SFI1: variants seen among roughly 807,000 people sequenced by gnomAD.
The protein encoded by SFI1 is protein SFI1 homolog.
Under a neutral mutation model 207.5 loss-of-function variants are expected in SFI1, and 195 were observed. The ratio of observed to expected loss-of-function variants is 0.94; its 90% CI spans 0.84 to 1.06. SFI1 has a LOEUF of 1.06. Among genes scored for constraint, SFI1 ranks in the 50% least tolerant of loss-of-function variants. The probability of loss-of-function intolerance (pLI) is 0.00; values close to 1 mark genes in which losing one functional copy is unlikely to be tolerated. For synonymous variants in SFI1, 630 were observed against 598.9 expected, an observed-to-expected ratio of 1.05 and a Z score of -0.76; for missense variants, 1,634 against 1,588.0, an observed-to-expected ratio of 1.03 and a Z score of -0.49.
chr22:31,579,845 C>T (rs1259619475), intron 11 of SFI1, among the ~76,000 whole-genome samples: 2 of 152,188 alleles, frequency 1.3e-5, no homozygotes, highest in Non-Finnish European at 2.9e-5. Flanking sequence ...ATTTTAGCAG[C>T]ACTGCATTTA....
rs755037639 is a variant in SFI1, at chr22:31,573,102, GAA to G, written c.812_813del (p.Lys271ThrfsTer24). 1 of 1,613,870 alleles carries G rather than the reference GAA, an allele frequency of 6.2e-7. No homozygotes were observed. The highest frequency in any genetic ancestry group is 8.5e-7 in the Non-Finnish European group (1 of 1,180,006). On this transcript the variant is annotated frameshift_variant, in exon 9 of 33. Transcript: ENST00000400288. LOFTEE classifies it high-confidence loss of function. ...AACAGCTCCTGTATGTCCAGAAGGA[GAA>G]ACAAAAGGTTGTCTCTGCAGTGAAA... Reference protein sequence around the residue: ...REQLLYVQKEKQKVVSAVKHH... With the variant: ...REQLLYVQKEXQKVVSAVKHH...
chr22:31,603,366 G>A lies in SFI1; in HGVS notation c.1806-378G>A, dbSNP rs940547874. Among the ~76,000 whole-genome samples, 5 of 152,170 alleles carry A rather than the reference G, an allele frequency of 3.3e-5. No individual in the cohort carries two copies. The South Asian group carries it at 6.2e-4, about 19-fold the overall frequency. On this transcript the variant is annotated intron_variant, in intron 17 of 32. Transcript: ENST00000400288. ...TTGTGGCAGTTTTTAACCACACCAC[G>A]TAGTTAAGAGAGAGGAGGGGAGGCA...
At chr22:31,601,913 C>A (rs2068162231) in intron 15 of SFI1, among the ~76,000 whole-genome samples, 1 of 151,496 alleles carries the variant, frequency 6.6e-6, no homozygotes, top group East Asian at 1.9e-4. Flanking sequence ...CCACCTCAGC[C>A]TCCCAGGTAG....
chr22:31,603,182 G>A (rs1403194436), intron 17 of SFI1, among the ~76,000 whole-genome samples: 2 of 152,194 alleles, frequency 1.3e-5, no homozygotes, highest in Non-Finnish European at 2.9e-5. Context: ...GCAGTGAACC[G>A]AGATGGCACC....
intron 22 of SFI1, 28 bp from the exon 23 acceptor site, chr22:31,611,115 A>G: frequency 6.2e-7 from 1 of 1,614,140 alleles, no homozygotes; most frequent in Non-Finnish European, 8.5e-7. Flanking sequence ...CCCACAAAAC[A>G]GCAAACTCTG....
At chr22:31,527,676 G>A (rs936819278) in intron 2 of SFI1, among the ~76,000 whole-genome samples, 1 of 152,282 alleles carries the variant, frequency 6.6e-6, no homozygotes, top group African/African-American at 2.4e-5. Flanking sequence ...TGAAGCAAGA[G>A]ATCAAGAATG....
At chr22:31,546,115 G>C (rs757920487) in intron 4 of SFI1, among the ~76,000 whole-genome samples, 1 of 151,406 alleles carries the variant, frequency 6.6e-6, no homozygotes, top group Non-Finnish European at 1.5e-5. Flanking sequence ...ACCTGGTCCT[G>C]AACTCCAGCA....
At chr22:31,582,226 ATATATATATATTTTTTTTTTT>A (rs2064360461) in intron 12 of SFI1, among the ~76,000 whole-genome samples, 3 of 34,268 alleles carry the variant, frequency 8.8e-5, no homozygotes, top group African/African-American at 3.4e-4. Context: ...ATATATATAT[ATATATATATATTTTTTTTTTT>A]TTTTTTTTTT....
At chr22:31,579,537 G>C (rs145944738) in intron 11 of SFI1, among the ~76,000 whole-genome samples, 1,530 of 152,052 alleles carry the variant, frequency 0.01, 26 homozygotes, top group African/African-American at 0.035. Context: ...AGATGGTCTC[G>C]ATCTCCTGAC....
chr22:31,583,066 G>A (rs1009025056), intron 12 of SFI1, among the ~76,000 whole-genome samples: 1 of 152,090 alleles, frequency 6.6e-6, no homozygotes. Flanking sequence ...TAGGACTACA[G>A]GTGCATACCA....
intron 8 of SFI1, among the ~76,000 whole-genome samples, chr22:31,564,036 T>C (rs1264381252): frequency 1.3e-5 from 2 of 151,824 alleles, no homozygotes; most frequent in African/African-American, 2.4e-5. Context: ...TAGAAAAATA[T>C]TAGCAGATAG....
chr22:31,548,571 A>T (rs997676100), intron 5 of SFI1, among the ~76,000 whole-genome samples: 5 of 151,562 alleles, frequency 3.3e-5, no homozygotes, highest in African/African-American at 1.2e-4. Context: ...TGAACCCAGG[A>T]GGCGGAGACT....
At chr22:31,565,391 G>A (rs1469600059) in intron 8 of SFI1, among the ~76,000 whole-genome samples, 1 of 151,880 alleles carries the variant, frequency 6.6e-6, no homozygotes, top group Non-Finnish European at 1.5e-5. Flanking sequence ...GCAATATAAT[G>A]AGACCCCATC....
chr22:31,605,894 T>A (rs1305521311), intron 20 of SFI1: 3 of 170,814 alleles, frequency 1.8e-5, no homozygotes, highest in East Asian at 1.6e-4. Context: ...TCATATGGAG[T>A]CCCATAGAGC....
intron 15 of SFI1, among the ~76,000 whole-genome samples, chr22:31,595,009 ATTTTTG>A (rs1272508863): frequency 1.3e-5 from 2 of 151,790 alleles, no homozygotes; most frequent in African/African-American, 2.4e-5. Flanking sequence ...TTATTTATTT[ATTTTTG>A]AGTTGGAGTC....
intron 2 of SFI1, among the ~76,000 whole-genome samples, chr22:31,512,811 CA>C (rs2055812866): frequency 6.6e-6 from 1 of 152,188 alleles, no homozygotes; most frequent in Middle Eastern, 3.4e-3. Flanking sequence ...CTCAGCCTCC[CA>C]AGTACCTGGG....
intron 12 of SFI1, among the ~76,000 whole-genome samples, 156 bp downstream of exon 12, chr22:31,580,520 TTTTC>T (rs1208716390): frequency 9.2e-5 from 14 of 151,508 alleles, no homozygotes; most frequent in South Asian, 6.2e-4. Context: ...TTAGTTTGCA[TTTTC>T]TTTCTTTCTT....
chr22:31,520,106 C>T (rs1222034094), intron 2 of SFI1, among the ~76,000 whole-genome samples: 10 of 150,820 alleles, frequency 6.6e-5, no homozygotes, highest in South Asian at 2.1e-4. Context: ...ATACAGAAAA[C>T]GGCATGAAAC....
intron 2 of SFI1, among the ~76,000 whole-genome samples, chr22:31,526,418 C>G (rs886757622): frequency 6.6e-6 from 1 of 152,134 alleles, no homozygotes; most frequent in Non-Finnish European, 1.5e-5. Context: ...TGGAAACTTA[C>G]TCACTATCAT....
Sources: allele counts gnomAD v4.1 joint callset (sites outside exome capture counted in the v4.1 genomes callset), GRCh38; gene constraint gnomAD v4.1.1; transcripts MANE v1.5; gene names NCBI Gene and HGNC (gene_info 2026-07-23, HGNC 2026-07-21).